The following ANKRD12 variants were observed in gnomAD, a reference collection of about 807,000 sequenced individuals.
ANKRD12 encodes ankyrin repeat domain-containing protein 12.
In ANKRD12, 85 loss-of-function variants were observed where a neutral mutation model predicts 183.4. That is an observed-to-expected ratio of 0.46 (90% confidence interval 0.39 to 0.56). The LOEUF (loss-of-function observed/expected upper bound fraction) is 0.56. ANKRD12 is among the 20% of genes least tolerant of loss of function. The pLI is 0.00. For synonymous variants in ANKRD12, 914 were observed against 800.2 expected (o/e 1.14, Z -2.40); for missense variants, 2,405 against 2,357.1 (o/e 1.02, Z -0.42).
chr18:9,157,557 GT>G (rs1568231135), intron 1 of ANKRD12, among the ~76,000 whole-genome samples: 13 of 91,618 alleles, frequency 1.4e-4, no homozygotes, highest in Non-Finnish European at 1.9e-4. Flanking sequence ...GTGGGTGTGT[GT>G]GTGTGTGTGT....
At chr18:9,144,550 CAT>C (rs1568215055) in intron 1 of ANKRD12, among the ~76,000 whole-genome samples, 1 of 152,152 alleles carries the variant, frequency 6.6e-6, no homozygotes. Flanking sequence ...TAAGGGGAAA[CAT>C]GTAGTCTCAC....
In ANKRD12 at chr18:9,254,331, C is replaced by T. The variant is rs749265999; in HGVS notation, c.1064C>T (p.Pro355Leu). The T allele has an allele frequency of 4.3e-6, 7 of 1,612,836 alleles. No homozygotes were observed. In the South Asian group the frequency reaches 7.7e-5, roughly 18 times the overall value. Residue 355 changes from proline (P) to leucine (L), a missense_variant, in exon 9 of 13, where the codon CCA becomes CTA. Around this residue, in one of 7 missense-constraint regions of ANKRD12, gnomAD observed 1,983 missense variants for 1,725.9 expected, o/e 1.15. Coordinates refer to ENST00000262126, the MANE Select transcript of ANKRD12 (RefSeq NM_015208.5). ...ATACTTCCCAGTAAAACACCTCTTC[C>T]ATCTGCCCTTGATGAGTATGAGTTC... ...KQILPSKTPL[P>L]SALDEYEFKD... is the part of the protein sequence containing the mutation.
intron 8 of ANKRD12, among the ~76,000 whole-genome samples, chr18:9,229,598 T>C (rs1009449214): frequency 6.6e-6 from 1 of 152,170 alleles, no homozygotes; most frequent in African/African-American, 2.4e-5. Flanking sequence ...TTGATTTCTT[T>C]TTCAGCTGTT....
At position 9,284,918 on chromosome 18, in the gene ANKRD12, T is replaced by TAGGCC. The variant is rs1053950024; in HGVS notation, c.*3802_*3806dup. Reference sequence around the variant, plus strand: ...TGGACAGCGTCCTCATAAAAGAAAATAGGCCAGGCCAGGCGCAGTGGCTCG... The same window carrying TAGGCC: ...TGGACAGCGTCCTCATAAAAGAAAATAGGCCAGGCCAGGCCAGGCGCAGTGGCTCG... On this transcript the variant is annotated 3_prime_UTR_variant, in exon 13 of 13. Coordinates refer to ENST00000262126, the MANE Select transcript of ANKRD12 (RefSeq NM_015208.5). 4 of 152,016 alleles carry TAGGCC rather than the reference T, an allele frequency of 2.6e-5. No homozygotes were observed. Among genetic ancestry groups the TAGGCC allele is most frequent in the Admixed American group, 6.6e-5 (1 of 15,260 alleles). 9.4% of individuals were successfully genotyped at this position (152,016 alleles called of 1,614,324 possible).
At position 9,256,858 on chromosome 18, in the gene ANKRD12, G is replaced by A. The variant is rs371434884; in HGVS notation, c.3591G>A (p.Pro1197=). Residue 1197 remains proline, a synonymous_variant, in exon 9 of 13, where the codon CCG becomes CCA. Coordinates refer to ENST00000262126, the MANE Select transcript of ANKRD12 (RefSeq NM_015208.5). ...NRSPRSENEK[P]GLSSRSVSMI... is the part of the protein sequence containing the mutation. ...CTCCTAGATCAGAAAATGAAAAGCC[G>A]GGTCTCAGCTCCAGATCTGTATCCA... 11 of 1,613,754 alleles carry A rather than the reference G, an allele frequency of 6.8e-6. No individual in the cohort carries two copies. The highest frequency in any genetic ancestry group is 2.7e-5 in the African/African-American group (2 of 74,880).
intron 3 of ANKRD12, 120 bp from the exon 4 acceptor site, chr18:9,204,356 C>A (rs1034583745): frequency 2.8e-6 from 2 of 719,944 alleles, no homozygotes; most frequent in Non-Finnish European, 4.6e-6. Context: ...TAAAAATAAT[C>A]TTTTGGCAAA....
At chr18:9,218,195 A>G (rs1228745771) in intron 7 of ANKRD12, among the ~76,000 whole-genome samples, 1 of 152,210 alleles carries the variant, frequency 6.6e-6, no homozygotes, top group East Asian at 1.9e-4. Flanking sequence ...AAGTTTCTAA[A>G]TATGCACATA....
chr18:9,245,610 TA>T (rs1206000295), intron 8 of ANKRD12, among the ~76,000 whole-genome samples: 2 of 152,204 alleles, frequency 1.3e-5, no homozygotes, highest in Admixed American at 1.3e-4. Context: ...AGGTAAAGAA[TA>T]GACAAACACA....
At chr18:9,152,482 T>A (rs1156959804) in intron 1 of ANKRD12, among the ~76,000 whole-genome samples, 1 of 152,148 alleles carries the variant, frequency 6.6e-6, no homozygotes, top group Non-Finnish European at 1.5e-5. Context: ...CAGGTATATC[T>A]TCTTCCTGTC....
In ANKRD12 at chr18:9,146,236, G is replaced by T. The variant is rs1053451237; in HGVS notation, c.-52+9271G>T. Among the ~76,000 whole-genome samples, 106 of 152,246 alleles carry T rather than the reference G, an allele frequency of 7.0e-4. 1 individual carries two copies. The highest frequency in any genetic ancestry group is 2.3e-3 in the African/African-American group (97 of 41,542). On this transcript the variant is annotated intron_variant, in intron 1 of 12. Transcript: ENST00000262126. ...TTTTTCCCCCGATTCAAAAACATTT[G>T]TGTGGTTATATGTCAGAAAGTGTTC...
intron 10 of ANKRD12, among the ~76,000 whole-genome samples, chr18:9,268,278 A>T (rs1167105873): frequency 6.6e-6 from 1 of 152,230 alleles, no homozygotes; most frequent in Non-Finnish European, 1.5e-5. Flanking sequence ...TGAGGCCAGC[A>T]TCATCCTGAT....
At chr18:9,144,572 G>A (rs1291071559) in intron 1 of ANKRD12, among the ~76,000 whole-genome samples, 2 of 152,126 alleles carry the variant, frequency 1.3e-5, no homozygotes, top group Admixed American at 1.3e-4. Context: ...CACTTGAGTC[G>A]TATTCATTAT....
chr18:9,199,405 T>G (rs546420266), intron 3 of ANKRD12, among the ~76,000 whole-genome samples: 2 of 152,350 alleles, frequency 1.3e-5, no homozygotes, highest in South Asian at 4.1e-4. Context: ...GCACACATGA[T>G]GTATATTAAC....
At chr18:9,268,640 G>A (rs1198447407) in intron 10 of ANKRD12, among the ~76,000 whole-genome samples, 1 of 152,134 alleles carries the variant, frequency 6.6e-6, no homozygotes, top group Non-Finnish European at 1.5e-5. Flanking sequence ...TAAGAGCTAT[G>A]TATGACACAC....
intron 10 of ANKRD12, among the ~76,000 whole-genome samples, chr18:9,272,470 G>A (rs2039650036): frequency 6.6e-6 from 1 of 151,956 alleles, no homozygotes; most frequent in Non-Finnish European, 1.5e-5. Flanking sequence ...TCTGAGGCAG[G>A]AGAATCACTT....
At chr18:9,267,660 G>A (rs1348847692) in intron 10 of ANKRD12, among the ~76,000 whole-genome samples, 5 of 151,998 alleles carry the variant, frequency 3.3e-5, no homozygotes, top group Non-Finnish European at 4.4e-5. Flanking sequence ...ATGCCCCCAA[G>A]AGAAAGCAGG....
intron 1 of ANKRD12, among the ~76,000 whole-genome samples, chr18:9,162,303 T>C (rs1251833388): frequency 1.3e-5 from 2 of 149,784 alleles, no homozygotes; most frequent in African/African-American, 4.9e-5. Context: ...TGGTGTTTGG[T>C]TTTCTTTTCC....
intron 1 of ANKRD12, among the ~76,000 whole-genome samples, chr18:9,167,828 C>T (rs929079725): frequency 6.6e-6 from 1 of 152,114 alleles, no homozygotes; most frequent in African/African-American, 2.4e-5. Flanking sequence ...AGTTTTTGCC[C>T]ATTCAGTATG....
chr18:9,248,818 C>T (rs1379806971), intron 8 of ANKRD12, among the ~76,000 whole-genome samples: 2 of 152,160 alleles, frequency 1.3e-5, no homozygotes, highest in Admixed American at 6.5e-5. Context: ...ATCTGTGCTC[C>T]GCATGGCAGT....
Sources: gnomAD v4.1 joint callset for allele counts (sites outside exome capture counted in the v4.1 genomes callset) on GRCh38, gnomAD v4.1.1 for gene constraint, gnomAD v4.1.1 regional missense constraint, MANE v1.5 for transcripts, NCBI Gene and HGNC (gene_info 2026-07-23, HGNC 2026-07-21) for gene names.